The following CPNE4 variants were observed in gnomAD, a reference collection of about 807,000 sequenced individuals.
The protein encoded by CPNE4 is copine 4.
A neutral mutation model predicts 67.9 loss-of-function variants in CPNE4; 25 were observed. That is an observed-to-expected ratio of 0.37 (90% confidence interval 0.27 to 0.51). The LOEUF is 0.51. Ranked by LOEUF, CPNE4 falls within the 20% of genes least tolerant of loss-of-function variation. The pLI, the probability that CPNE4 is intolerant of heterozygous loss-of-function variation, is 0.93. For missense variants in CPNE4, 464 were observed against 690.8 expected (o/e 0.67, Z 3.68); for synonymous variants, 242 against 244.9 (o/e 0.99, Z 0.11).
intron 2 of CPNE4, among the ~76,000 whole-genome samples, chr3:131,738,106 G>A (rs1319467605): frequency 6.6e-6 from 1 of 152,218 alleles, no homozygotes; most frequent in East Asian, 1.9e-4. Context: ...TCATTCTGCT[G>A]AAATCCTTGA....
At chr3:131,775,023 A>G (rs1430637142) in intron 2 of CPNE4, among the ~76,000 whole-genome samples, 2 of 152,158 alleles carry the variant, frequency 1.3e-5, no homozygotes, top group African/African-American at 4.8e-5. Context: ...CAGTTCAGAA[A>G]CTGTCTTTTA....
intron 3 of CPNE4, among the ~76,000 whole-genome samples, chr3:131,707,689 C>T (rs1266242954): frequency 6.6e-6 from 1 of 152,094 alleles, no homozygotes; most frequent in Non-Finnish European, 1.5e-5. Context: ...CTTGATCAGG[C>T]CCTGAGCTAA....
chr3:131,575,196 C>T (rs1467647093), intron 9 of CPNE4, 66 bp from the exon 10 acceptor site: 1 of 1,407,506 alleles, frequency 7.1e-7, no homozygotes, highest in Non-Finnish European at 1.0e-6. Context: ...ATATTGGAGG[C>T]CTAAAGGTTG....
intron 7 of CPNE4, among the ~76,000 whole-genome samples, chr3:131,635,404 T>C (rs1026874991): frequency 3.3e-5 from 5 of 152,342 alleles, no homozygotes; most frequent in African/African-American, 1.2e-4. Flanking sequence ...ATTACCTTTC[T>C]ACTTAATCAA....
At chr3:131,736,121 A>T (rs1157184775) in intron 2 of CPNE4, among the ~76,000 whole-genome samples, 1 of 152,178 alleles carries the variant, frequency 6.6e-6, no homozygotes, top group African/African-American at 2.4e-5. Context: ...CATGAGTCTC[A>T]GGCCCTGCCC....
At chr3:131,691,609 G>C (rs781481624) in intron 5 of CPNE4, among the ~76,000 whole-genome samples, 1 of 151,922 alleles carries the variant, frequency 6.6e-6, no homozygotes, top group Non-Finnish European at 1.5e-5. Context: ...TTACTACATG[G>C]GTAATGAGAT....
At chr3:131,986,881 C>G (rs866450772) in intron 1 of CPNE4, among the ~76,000 whole-genome samples, 1 of 94,872 alleles carries the variant, frequency 1.1e-5, no homozygotes, top group African/African-American at 3.6e-5. Flanking sequence ...AAAAAAAAAA[C>G]AAAGAACTTA....
At chr3:131,691,072 G>C (rs2081023036) in intron 5 of CPNE4, among the ~76,000 whole-genome samples, 1 of 152,158 alleles carries the variant, frequency 6.6e-6, no homozygotes, top group African/African-American at 2.4e-5. Flanking sequence ...TGGTGAGGCT[G>C]TGGGGAAAAG....
intron 1 of CPNE4, among the ~76,000 whole-genome samples, chr3:131,933,369 G>T (rs373038593): frequency 1.3e-5 from 2 of 152,154 alleles, no homozygotes; most frequent in South Asian, 2.1e-4. Flanking sequence ...AATTTGAGAG[G>T]CTTCGTGAAA....
At chr3:131,624,999 C>T (rs1352189614) in intron 7 of CPNE4, among the ~76,000 whole-genome samples, 1 of 152,186 alleles carries the variant, frequency 6.6e-6, no homozygotes, top group Non-Finnish European at 1.5e-5. Context: ...TAGTCCAGTT[C>T]ATAAACAGGC....
intron 10 of CPNE4, among the ~76,000 whole-genome samples, chr3:131,570,881 G>A (rs973617672): frequency 2.0e-5 from 3 of 151,918 alleles, no homozygotes; most frequent in African/African-American, 7.3e-5. Context: ...CTTCCACTGG[G>A]CTGTTACCTC....
chr3:131,570,113 A>G (rs1490476797), intron 10 of CPNE4, among the ~76,000 whole-genome samples: 1 of 151,780 alleles, frequency 6.6e-6, no homozygotes, highest in East Asian at 1.9e-4. Context: ...AATACTAAAT[A>G]ACTAAATACT....
At chr3:131,703,285 G>A (rs1264247767) in intron 3 of CPNE4, among the ~76,000 whole-genome samples, 1 of 152,162 alleles carries the variant, frequency 6.6e-6, no homozygotes, top group Non-Finnish European at 1.5e-5. Context: ...CTGACATCAA[G>A]GTTAAAAGGG....
intron 2 of CPNE4, among the ~76,000 whole-genome samples, chr3:131,789,039 G>C (rs56339501): frequency 0.23 from 30,472 of 130,086 alleles, 3,454 homozygotes; most frequent in East Asian, 0.34. Context: ...CACACACAGA[G>C]AGAGAGAGAG....
At chr3:131,843,645 C>CCTAG (rs1426139138) in intron 2 of CPNE4, among the ~76,000 whole-genome samples, 1 of 152,162 alleles carries the variant, frequency 6.6e-6, no homozygotes, top group African/African-American at 2.4e-5. Flanking sequence ...TTGAAATTGT[C>CCTAG]CTAGTTCCAG....
chr3:131,955,387 T>C (rs907007974), intron 1 of CPNE4, among the ~76,000 whole-genome samples: 5 of 150,592 alleles, frequency 3.3e-5, no homozygotes, highest in Non-Finnish European at 5.9e-5. Context: ...GCAATGCTTT[T>C]TCTGTGTGGT....
intron 2 of CPNE4, among the ~76,000 whole-genome samples, chr3:131,863,830 T>C (rs1268868665): frequency 6.6e-6 from 1 of 152,250 alleles, no homozygotes; most frequent in Non-Finnish European, 1.5e-5. Context: ...AGGCTTTTTA[T>C]GGTTTTAGGT....
At chr3:131,807,059 T>A (rs917389367) in intron 2 of CPNE4, among the ~76,000 whole-genome samples, 4 of 152,196 alleles carry the variant, frequency 2.6e-5, no homozygotes, top group African/African-American at 9.7e-5. Flanking sequence ...GTTAAGGCCA[T>A]AAATTATTAG....
At chr3:131,688,074 A>G (rs1000396962) in intron 5 of CPNE4, among the ~76,000 whole-genome samples, 2 of 152,220 alleles carry the variant, frequency 1.3e-5, no homozygotes, top group African/African-American at 4.8e-5. Context: ...GGCAGGGGGA[A>G]TCATTGAAGG....
Sources: gnomAD v4.1 joint callset for allele counts (sites outside exome capture counted in the v4.1 genomes callset) on GRCh38, gnomAD v4.1.1 for gene constraint, MANE v1.5 for transcripts, NCBI Gene and HGNC (gene_info 2026-07-23, HGNC 2026-07-21) for gene names.